FANCC: variants seen among roughly 807,000 people sequenced by gnomAD.
The protein encoded by FANCC is FA complementation group C.
In FANCC, 55 loss-of-function variants were observed where a neutral mutation model predicts 71.3. The ratio of observed to expected loss-of-function variants is 0.77; its 90% CI spans 0.62 to 0.97. The LOEUF is 0.97. Ranked by LOEUF, FANCC falls within the 50% of genes least tolerant of loss-of-function variation. The pLI, the probability that FANCC is intolerant of heterozygous loss-of-function variation, is 0.00. For missense variants in FANCC, 678 were observed against 670.9 expected (o/e 1.01, Z -0.12); for synonymous variants, 275 against 244.9 (o/e 1.12, Z -1.15).
At position 95,162,837 on chromosome 9, in the gene FANCC, T is replaced by G. The variant is rs1830831392; in HGVS notation, c.521+8242A>C. Among the ~76,000 whole-genome samples, 3 of 152,252 alleles carry G rather than the reference T, an allele frequency of 2.0e-5. No homozygotes were observed. In the South Asian group the frequency reaches 6.2e-4, roughly 32 times the overall value. On this transcript the variant is annotated intron_variant, in intron 6 of 14. Coordinates refer to ENST00000289081, the MANE Select transcript of FANCC (RefSeq NM_000136.3). ...TGCTGTTGTTGAGTTGCAGGAATTCTCTGTATATTCTGGATATTAATCACT... is the reference window on the plus strand; with the variant it reads ...TGCTGTTGTTGAGTTGCAGGAATTCGCTGTATATTCTGGATATTAATCACT...
chr9:95,267,844 T>C (rs778836475), intron 1 of FANCC, among the ~76,000 whole-genome samples: 2 of 152,148 alleles, frequency 1.3e-5, no homozygotes, highest in African/African-American at 4.8e-5. Context: ...CTGCAAAGTA[T>C]GTAAATCAGG....
intron 14 of FANCC, among the ~76,000 whole-genome samples, chr9:95,103,750 G>A (rs2071233239): frequency 6.6e-6 from 1 of 152,238 alleles, no homozygotes; most frequent in African/African-American, 2.4e-5. Flanking sequence ...GCCTCCAGGT[G>A]CCTGGAGAAG....
intron 3 of FANCC, among the ~76,000 whole-genome samples, chr9:95,242,566 T>G (rs1830700158): frequency 6.6e-6 from 1 of 152,034 alleles, no homozygotes; most frequent in Non-Finnish European, 1.5e-5. Context: ...AACTGGGAGT[T>G]TCCCCAGGTG....
chr9:95,182,412 C>T (rs1038481821), intron 4 of FANCC, among the ~76,000 whole-genome samples: 1 of 152,006 alleles, frequency 6.6e-6, no homozygotes, highest in Non-Finnish European at 1.5e-5. Flanking sequence ...CCCAGCTACT[C>T]GGGAGGCCAA....
At chr9:95,285,739 G>T (rs936493813) in intron 1 of FANCC, among the ~76,000 whole-genome samples, 1 of 152,020 alleles carries the variant, frequency 6.6e-6, no homozygotes, top group African/African-American at 2.4e-5. Flanking sequence ...CAGGTTTCTG[G>T]TAATGTAATT....
chr9:95,243,091 C>T (rs892226760), intron 3 of FANCC, among the ~76,000 whole-genome samples: 2 of 152,166 alleles, frequency 1.3e-5, no homozygotes, highest in Admixed American at 1.3e-4. Flanking sequence ...ATTCTTTAAA[C>T]TTTAATTCTA....
At chr9:95,246,867 T>TC (rs1831011475) in intron 3 of FANCC, among the ~76,000 whole-genome samples, 1 of 151,918 alleles carries the variant, frequency 6.6e-6, no homozygotes, top group African/African-American at 2.4e-5. Context: ...AGACAGGAGC[T>TC]CAGTGAAGGA....
At chr9:95,216,135 G>A (rs1361306071) in intron 4 of FANCC, among the ~76,000 whole-genome samples, 1 of 152,160 alleles carries the variant, frequency 6.6e-6, no homozygotes, top group Non-Finnish European at 1.5e-5. Flanking sequence ...TAAGTTAAAA[G>A]TAAAAGGATG....
chr9:95,128,135 G>A (rs943930217), intron 8 of FANCC, among the ~76,000 whole-genome samples: 6 of 152,166 alleles, frequency 3.9e-5, no homozygotes, highest in African/African-American at 1.4e-4. Context: ...ATCTCCTGAT[G>A]CCCAGTCTCA....
intron 1 of FANCC, among the ~76,000 whole-genome samples, chr9:95,291,855 G>A (rs372020419): frequency 6.7e-6 from 1 of 149,930 alleles, no homozygotes; most frequent in Admixed American, 6.7e-5. Flanking sequence ...GGCTGAGGCA[G>A]GAGGATCTCT....
At chr9:95,310,548 T>TG (rs1165113899) in intron 1 of FANCC, among the ~76,000 whole-genome samples, 1 of 152,202 alleles carries the variant, frequency 6.6e-6, no homozygotes, top group African/African-American at 2.4e-5. Context: ...TACATACTTC[T>TG]GTTCCAGCAT....
chr9:95,166,166 G>C (rs1039612884), intron 6 of FANCC, among the ~76,000 whole-genome samples: 1 of 151,876 alleles, frequency 6.6e-6, no homozygotes, highest in Non-Finnish European at 1.5e-5. Flanking sequence ...CTTGTTTTCT[G>C]ATCTATTTTG....
chr9:95,180,508 A>T (rs372930970), intron 4 of FANCC, among the ~76,000 whole-genome samples: 2 of 151,650 alleles, frequency 1.3e-5, no homozygotes, highest in African/African-American at 2.4e-5. Context: ...TTTTAAATTT[A>T]ATTTTATTTT....
intron 1 of FANCC, among the ~76,000 whole-genome samples, chr9:95,259,481 C>T (rs1389800250): frequency 6.6e-6 from 1 of 152,154 alleles, no homozygotes; most frequent in Non-Finnish European, 1.5e-5. Context: ...GGGAAAACTG[C>T]TAGCCATATG....
At chr9:95,312,562 G>A (rs767280426) in intron 1 of FANCC, among the ~76,000 whole-genome samples, 10 of 152,222 alleles carry the variant, frequency 6.6e-5, no homozygotes, top group Non-Finnish European at 1.5e-5. Context: ...ATGTTGCCCA[G>A]GCTTGTCTCA....
intron 3 of FANCC, among the ~76,000 whole-genome samples, chr9:95,244,694 A>C (rs1217852203): frequency 2.0e-5 from 3 of 147,026 alleles, no homozygotes; most frequent in Non-Finnish European, 3.0e-5. Flanking sequence ...AAAAAAAAAA[A>C]AAAAAAAAAA....
intron 4 of FANCC, among the ~76,000 whole-genome samples, chr9:95,211,558 T>A (rs1828500659): frequency 6.6e-6 from 1 of 152,100 alleles, no homozygotes; most frequent in Non-Finnish European, 1.5e-5. Flanking sequence ...ACAAACAAGC[T>A]TGGAAAGGAT....
At chr9:95,299,078 T>C (rs573744253) in intron 1 of FANCC, among the ~76,000 whole-genome samples, 6 of 152,344 alleles carry the variant, frequency 3.9e-5, no homozygotes, top group Admixed American at 1.3e-4. Flanking sequence ...AGACAAAAAA[T>C]ACAGTTTTAG....
chr9:95,158,635 T>G (rs1220627454), intron 6 of FANCC, among the ~76,000 whole-genome samples: 1 of 152,246 alleles, frequency 6.6e-6, no homozygotes, highest in African/African-American at 2.4e-5. Flanking sequence ...TTCTATCATG[T>G]CACCATAAAG....
Sources: allele counts gnomAD v4.1 joint callset (sites outside exome capture counted in the v4.1 genomes callset), GRCh38; gene constraint gnomAD v4.1.1; transcripts MANE v1.5; gene names NCBI Gene and HGNC (gene_info 2026-07-23, HGNC 2026-07-21).